AFG2B: variants seen among roughly 807,000 people sequenced by gnomAD.
AFG2B encodes the protein AAA ATPase AFG2B.
chr15:45,403,072 C>T, the AFG2B span: 3 of 1,533,302 alleles, frequency 2.0e-6, no homozygotes, highest in African/African-American at 2.8e-5. Flanking sequence ...GCTGCGGGAG[C>T]TCCTCCGCCT....
At chr15:45,417,374 T>C in the AFG2B span, 1 of 1,614,072 alleles carries the variant, frequency 6.2e-7, no homozygotes. Context: ...GATAAGATCA[T>C]CTATATCCCA....
chr15:45,403,559 T>G, the AFG2B span: 1 of 1,582,924 alleles, frequency 6.3e-7, no homozygotes, highest in Non-Finnish European at 8.5e-7. Context: ...CGGTGGAACC[T>G]CGGCCGCTTC....
the AFG2B span, among the ~76,000 whole-genome samples, chr15:45,420,009 A>C: frequency 3.4e-4 from 51 of 149,042 alleles, no homozygotes; most frequent in Admixed American, 2.4e-3. Context: ...AAAAAAAAAA[A>C]AAAAACAAAA....
the AFG2B span, among the ~76,000 whole-genome samples, chr15:45,406,121 A>G: frequency 5.9e-5 from 9 of 152,206 alleles, no homozygotes; most frequent in African/African-American, 2.2e-4. Flanking sequence ...ACTTAACCTA[A>G]ATAGGCCTTA....
the AFG2B span, among the ~76,000 whole-genome samples, chr15:45,409,049 TG>T: frequency 6.6e-6 from 1 of 152,200 alleles, no homozygotes; most frequent in African/African-American, 2.4e-5. Context: ...GAATGAGTAC[TG>T]GTTCTTCCTG....
the AFG2B span, among the ~76,000 whole-genome samples, chr15:45,413,091 C>A: frequency 2.0e-5 from 3 of 152,164 alleles, no homozygotes; most frequent in African/African-American, 7.2e-5. Context: ...TCACAAGATG[C>A]ATGAGAGAAA....
the AFG2B span, among the ~76,000 whole-genome samples, chr15:45,416,331 C>T: frequency 2.6e-5 from 4 of 152,140 alleles, no homozygotes; most frequent in Admixed American, 2.6e-4. Context: ...TGGAACATTT[C>T]CAGTTTTCTT....
the AFG2B span, chr15:45,410,647 A>C: frequency 1.1e-6 from 1 of 927,178 alleles, no homozygotes; most frequent in Non-Finnish European, 1.5e-6. Context: ...TGTGATCCTA[A>C]CATCTAAATC....
chr15:45,408,131 A>G, the AFG2B span, among the ~76,000 whole-genome samples: 4 of 152,254 alleles, frequency 2.6e-5, no homozygotes, highest in Non-Finnish European at 5.9e-5. Flanking sequence ...GTAATGGGGT[A>G]TGAACAGGTA....
At chr15:45,410,259 A>G in the AFG2B span, 2 of 1,205,228 alleles carry the variant, frequency 1.7e-6, no homozygotes, top group Non-Finnish European at 2.3e-6. Context: ...TTTTATAATG[A>G]TAACAAAATA....
At chr15:45,410,733 G>A in the AFG2B span, among the ~76,000 whole-genome samples, 1 of 151,930 alleles carries the variant, frequency 6.6e-6, no homozygotes, top group Non-Finnish European at 1.5e-5. Flanking sequence ...TTCCCACCTC[G>A]ACCCTCTCTT....
chr15:45,411,533 G>A, the AFG2B span, among the ~76,000 whole-genome samples: 14 of 152,208 alleles, frequency 9.2e-5, no homozygotes, highest in South Asian at 2.1e-4. Flanking sequence ...ACTCAAGCTG[G>A]CCTTGAACTC....
chr15:45,404,729 A>T, the AFG2B span, among the ~76,000 whole-genome samples: 1 of 150,808 alleles, frequency 6.6e-6, no homozygotes, highest in African/African-American at 2.4e-5. Context: ...AATCACTTGA[A>T]CCAGGAGGTG....
At chr15:45,412,658 A>T in the AFG2B span, among the ~76,000 whole-genome samples, 2 of 152,182 alleles carry the variant, frequency 1.3e-5, no homozygotes, top group Non-Finnish European at 2.9e-5. Flanking sequence ...AAATGTAAAA[A>T]CTATTCTTAG....
At chr15:45,407,317 T>C in the AFG2B span, 32 of 978,486 alleles carry the variant, frequency 3.3e-5, no homozygotes, top group African/African-American at 4.6e-4. Flanking sequence ...CCTTACACTT[T>C]GTTAAACTTT....
the AFG2B span, chr15:45,403,021 C>A: frequency 1.9e-6 from 3 of 1,580,188 alleles, no homozygotes; most frequent in Non-Finnish European, 2.6e-6. Flanking sequence ...CCAGCCGCAG[C>A]CCGAGGTGCC....
chr15:45,409,468 A>C, the AFG2B span, among the ~76,000 whole-genome samples: 5 of 151,966 alleles, frequency 3.3e-5, no homozygotes, highest in Non-Finnish European at 7.4e-5. Flanking sequence ...AAATTGTTGC[A>C]GCTTCCTTAG....
the AFG2B span, among the ~76,000 whole-genome samples, chr15:45,406,084 G>GA: frequency 1.3e-5 from 2 of 152,176 alleles, no homozygotes; most frequent in Non-Finnish European, 2.9e-5. Flanking sequence ...ATCAAGCTGA[G>GA]AAAATTAACG....
the AFG2B span, among the ~76,000 whole-genome samples, chr15:45,413,702 C>T: frequency 2.6e-5 from 4 of 152,278 alleles, no homozygotes; most frequent in South Asian, 8.3e-4. Context: ...TTCCTCAGTG[C>T]AGACTAAAGC....
Sources: gnomAD v4.1 joint callset for allele counts (sites outside exome capture counted in the v4.1 genomes callset) on GRCh38, gnomAD v4.1.1 for gene constraint, MANE v1.5 for transcripts, NCBI Gene and HGNC (gene_info 2026-07-23, HGNC 2026-07-21) for gene names.